CDH9: variants seen among roughly 807,000 people sequenced by gnomAD.
The protein encoded by CDH9 is cadherin 9.
CDH9 carries 28 observed loss-of-function variants against 70.9 expected under a neutral mutation model. That is an observed-to-expected ratio of 0.40 (90% confidence interval 0.29 to 0.54). The LOEUF (loss-of-function observed/expected upper bound fraction) is 0.54, where lower values mean the gene tolerates loss of function less well. CDH9 is among the 20% of genes least tolerant of loss of function. The pLI is 0.59. For missense variants in CDH9, 874 were observed against 984.4 expected, an observed-to-expected ratio of 0.89 and a Z score of 1.50; for synonymous variants, 409 against 343.1, an observed-to-expected ratio of 1.19 and a Z score of -2.12.
Position 26,885,733 on chromosome 5 carries a change from A to G in CDH9, c.1763T>C (p.Val588Ala). The G allele has an allele frequency of 8.7e-6, 14 of 1,613,732 alleles. No individual in the cohort carries two copies. Among genetic ancestry groups the G allele is most frequent in the Non-Finnish European group, 1.2e-5 (14 of 1,179,822 alleles). The change falls in exon 11 of 12, where the codon GTG becomes GCG. Residue 588 changes from valine (V) to alanine (A), a missense_variant. Coordinates refer to ENST00000231021, the MANE Select transcript of CDH9 (RefSeq NM_016279.4). ...GTTTCCTTGATTATCGCAGGCACAC[A>G]CACGGATAGTGAGTGTACCAGTGCT... ...QSSTGTLTIR[V>A]CACDNQGNMQ...
intron 1 of CDH9, among the ~76,000 whole-genome samples, chr5:27,015,406 A>C (rs1173560376): frequency 6.6e-6 from 1 of 151,824 alleles, no homozygotes; most frequent in Non-Finnish European, 1.5e-5. Context: ...TTTCTTGTGC[A>C]TACTTCTCTG....
At chr5:26,951,624 A>G (rs549694963) in intron 2 of CDH9, among the ~76,000 whole-genome samples, 1 of 152,194 alleles carries the variant, frequency 6.6e-6, no homozygotes, top group Non-Finnish European at 1.5e-5. Context: ...TGGAGAGTAC[A>G]TTCTACAGAG....
chr5:26,936,968 C>A (rs1048060507), intron 2 of CDH9, among the ~76,000 whole-genome samples: 2 of 151,868 alleles, frequency 1.3e-5, no homozygotes, highest in East Asian at 1.9e-4. Context: ...GTATGTCACT[C>A]GGGTTTGAAA....
intron 2 of CDH9, among the ~76,000 whole-genome samples, chr5:26,972,161 A>C (rs574764991): frequency 2.0e-5 from 3 of 152,320 alleles, no homozygotes; most frequent in Non-Finnish European, 4.4e-5. Context: ...TAGTAACAGG[A>C]TAAAAAACTT....
At chr5:26,898,953 A>G (rs1447883380) in intron 7 of CDH9, among the ~76,000 whole-genome samples, 1 of 152,206 alleles carries the variant, frequency 6.6e-6, no homozygotes, top group Admixed American at 6.5e-5. Context: ...AGAATCTACA[A>G]AGAACTTAAA....
chr5:27,020,728 GCACACACACA>G (rs150359349), intron 1 of CDH9, among the ~76,000 whole-genome samples: 1 of 147,202 alleles, frequency 6.8e-6, no homozygotes, highest in East Asian at 2.0e-4. Flanking sequence ...ATTCACACAC[GCACACACACA>G]CACACACACT....
At chr5:26,942,333 A>G (rs542354180) in intron 2 of CDH9, among the ~76,000 whole-genome samples, 178 of 152,232 alleles carry the variant, frequency 1.2e-3, no homozygotes, top group Non-Finnish European at 2.2e-3. Context: ...GATTGTGGGA[A>G]CTACAATTCA....
At chr5:26,999,463 C>T (rs1742726480) in intron 1 of CDH9, among the ~76,000 whole-genome samples, 1 of 151,888 alleles carries the variant, frequency 6.6e-6, no homozygotes, top group African/African-American at 2.4e-5. Context: ...AAAAACAAAG[C>T]AAAATAATTT....
intron 2 of CDH9, among the ~76,000 whole-genome samples, chr5:26,921,550 A>G (rs35758225): frequency 0.13 from 19,701 of 152,178 alleles, 1,397 homozygotes; most frequent in Middle Eastern, 0.33. Flanking sequence ...AAAAGGTGGA[A>G]ACTTAAGACA....
chr5:26,938,031 A>G (rs1334107062), intron 2 of CDH9, among the ~76,000 whole-genome samples: 1 of 152,134 alleles, frequency 6.6e-6, no homozygotes, highest in East Asian at 1.9e-4. Context: ...AAAATGTACC[A>G]TGATAATGAA....
At chr5:26,977,437 T>C (rs1239716232) in intron 2 of CDH9, among the ~76,000 whole-genome samples, 2 of 149,380 alleles carry the variant, frequency 1.3e-5, no homozygotes, top group African/African-American at 5.0e-5. Context: ...TTCTACAAAG[T>C]ATATTAAAAT....
intron 2 of CDH9, among the ~76,000 whole-genome samples, chr5:26,960,403 T>A (rs566566062): frequency 6.6e-6 from 1 of 152,042 alleles, no homozygotes; most frequent in Admixed American, 6.6e-5. Flanking sequence ...ATCACTAGTA[T>A]GCTTACGATA....
chr5:26,944,756 A>G (rs932197869), intron 2 of CDH9, among the ~76,000 whole-genome samples: 1 of 33,388 alleles, frequency 3.0e-5, no homozygotes, highest in African/African-American at 9.7e-5. Flanking sequence ...CAGTATTTTT[A>G]AATCCTGATT....
At chr5:26,933,224 A>G (rs1262017999) in intron 2 of CDH9, among the ~76,000 whole-genome samples, 1 of 150,398 alleles carries the variant, frequency 6.6e-6, no homozygotes, top group Non-Finnish European at 1.5e-5. Flanking sequence ...TATAAAATTC[A>G]TGGTAAAATT....
At chr5:27,002,191 C>A (rs1204160952) in intron 1 of CDH9, among the ~76,000 whole-genome samples, 1 of 152,116 alleles carries the variant, frequency 6.6e-6, no homozygotes, top group Non-Finnish European at 1.5e-5. Context: ...CACTGGCCAT[C>A]AGAGAAATGC....
chr5:26,981,211 G>C (rs896005335), intron 2 of CDH9, among the ~76,000 whole-genome samples: 1 of 151,862 alleles, frequency 6.6e-6, no homozygotes, highest in African/African-American at 2.4e-5. Context: ...ATCATCCCTC[G>C]GTATCCGTGG....
Position 26,902,825 on chromosome 5 carries a change from C to T in CDH9, c.1000-96G>A, listed in dbSNP as rs1459016685. ...TTAATAGCCAGCGATCATGATTATA[C>T]CAACAATTCTATTTAAATGACAATG... On this transcript the variant is annotated intron_variant, in intron 6 of 11. Transcript: ENST00000231021. 3 of 648,190 alleles carry T rather than the reference C, an allele frequency of 4.6e-6. No individual in the cohort carries two copies. The African/African-American group carries it at 5.5e-5, about 12-fold the overall frequency. 40.2% of individuals were successfully genotyped at this position (648,190 alleles called of 1,614,324 possible).
chr5:26,981,645 G>A (rs930363849), intron 2 of CDH9, among the ~76,000 whole-genome samples: 1 of 151,838 alleles, frequency 6.6e-6, no homozygotes, highest in Non-Finnish European at 1.5e-5. Flanking sequence ...AACAAAATGT[G>A]TGGAAAAATT....
chr5:26,981,286 T>C (rs1368661636), intron 2 of CDH9, among the ~76,000 whole-genome samples: 3 of 152,068 alleles, frequency 2.0e-5, no homozygotes, highest in Non-Finnish European at 2.9e-5. Flanking sequence ...CTATATAAAA[T>C]GGTGCAGAAT....
Sources: allele counts gnomAD v4.1 joint callset (sites outside exome capture counted in the v4.1 genomes callset), GRCh38; gene constraint gnomAD v4.1.1; transcripts MANE v1.5; gene names NCBI Gene and HGNC (gene_info 2026-07-23, HGNC 2026-07-21).